The following TMEM161B variants were observed in gnomAD, a reference collection of about 807,000 sequenced individuals.
TMEM161B encodes the protein transmembrane protein 161B.
TMEM161B carries 34 observed loss-of-function variants against 61.8 expected under a neutral mutation model. The ratio of observed to expected loss-of-function variants is 0.55; its 90% CI spans 0.42 to 0.73. The LOEUF (loss-of-function observed/expected upper bound fraction) is 0.73, where lower values mean the gene tolerates loss of function less well. Among genes scored for constraint, TMEM161B ranks in the 30% least tolerant of loss-of-function variants. The pLI, the probability that TMEM161B is intolerant of heterozygous loss-of-function variation, is 0.00. For missense variants in TMEM161B, 456 were observed against 558.5 expected, an observed-to-expected ratio of 0.82 and a Z score of 1.85; for synonymous variants, 167 against 192.8, an observed-to-expected ratio of 0.87 and a Z score of 1.11.
intron 11 of TMEM161B, 109 bp from the exon 12 acceptor site, chr5:88,196,597 G>T: frequency 9.2e-7 from 1 of 1,088,188 alleles, no homozygotes; most frequent in Non-Finnish European, 1.3e-6. Flanking sequence ...TAGTGGCACA[G>T]TACATCATTT....
chr5:88,233,003 A>G (rs1237910617), intron 2 of TMEM161B, among the ~76,000 whole-genome samples: 1 of 152,190 alleles, frequency 6.6e-6, no homozygotes, highest in African/African-American at 2.4e-5. Context: ...ATTAGTGAGA[A>G]TTATTGTTCA....
chr5:88,241,005 C>T (rs570707330), intron 1 of TMEM161B, 89 bp from the exon 2 acceptor site: 2 of 865,322 alleles, frequency 2.3e-6, no homozygotes, highest in Middle Eastern at 4.7e-4. Flanking sequence ...TTGAAAATTA[C>T]ATTTTAAGAA....
intron 2 of TMEM161B, among the ~76,000 whole-genome samples, chr5:88,231,277 A>G (rs1750942189): frequency 6.6e-6 from 1 of 152,228 alleles, no homozygotes; most frequent in Non-Finnish European, 1.5e-5. Context: ...TTTGTAGCCT[A>G]TTAATAAGTG....
intron 5 of TMEM161B, among the ~76,000 whole-genome samples, chr5:88,216,253 A>C (rs1005160656): frequency 3.3e-5 from 5 of 152,204 alleles, no homozygotes; most frequent in Admixed American, 3.3e-4. Flanking sequence ...CTCTGGGGAA[A>C]AAAAAGAAAA....
intron 9 of TMEM161B, chr5:88,202,273 T>C: frequency 3.2e-6 from 1 of 307,866 alleles, no homozygotes; most frequent in Middle Eastern, 1.1e-3. Context: ...AGTCTAGTTA[T>C]TAATGCCTAT....
chr5:88,207,544 C>T (rs1474677643), intron 5 of TMEM161B, among the ~76,000 whole-genome samples: 1 of 152,128 alleles, frequency 6.6e-6, no homozygotes, highest in East Asian at 1.9e-4. Flanking sequence ...CGTAATAATT[C>T]AACAAGTTAA....
At chr5:88,221,714 T>A (rs750914526) in intron 4 of TMEM161B, 2 of 456,236 alleles carry the variant, frequency 4.4e-6, no homozygotes, top group Non-Finnish European at 8.8e-6. Context: ...GGTTTACTTC[T>A]ACCAGAGTGT....
downstream of TMEM161B, among the ~76,000 whole-genome samples, chr5:88,186,565 T>A (rs1248818817): frequency 6.6e-6 from 1 of 152,154 alleles, no homozygotes; most frequent in Non-Finnish European, 1.5e-5. Flanking sequence ...ATTTCAAGTT[T>A]TAACATGTCT....
At chr5:88,234,089 G>A (rs1340233791) in intron 2 of TMEM161B, among the ~76,000 whole-genome samples, 1 of 152,102 alleles carries the variant, frequency 6.6e-6, no homozygotes, top group Non-Finnish European at 1.5e-5. Flanking sequence ...GGGGAGAGAG[G>A]TAGGGCTGTG....
chr5:88,217,413 A>G (rs753558148), intron 5 of TMEM161B, among the ~76,000 whole-genome samples: 5 of 152,202 alleles, frequency 3.3e-5, no homozygotes, highest in Non-Finnish European at 5.9e-5. Context: ...AGCAGACTCA[A>G]CAGAATGAGG....
At chr5:88,221,564 T>G (rs1295373140) in intron 4 of TMEM161B, 4 of 374,188 alleles carry the variant, frequency 1.1e-5, no homozygotes, top group African/African-American at 2.1e-5. Flanking sequence ...AAAAAGTTTA[T>G]AAAATGTCTG....
intron 2 of TMEM161B, among the ~76,000 whole-genome samples, chr5:88,230,420 T>C (rs1750797859): frequency 6.6e-6 from 1 of 152,198 alleles, no homozygotes; most frequent in Admixed American, 6.5e-5. Flanking sequence ...CAGGAATTCA[T>C]AATTCTATCT....
chr5:88,255,556 A>G (rs945593191), intron 1 of TMEM161B, among the ~76,000 whole-genome samples: 7 of 152,248 alleles, frequency 4.6e-5, no homozygotes, highest in African/African-American at 9.6e-5. Context: ...TGGCAATTTC[A>G]TATAGTTCAT....
At chr5:88,221,763 A>G (rs753284523) in intron 4 of TMEM161B, 1 of 456,152 alleles carries the variant, frequency 2.2e-6, no homozygotes, top group South Asian at 1.5e-5. Context: ...AAGGCCTCCT[A>G]AAAATGTGGA....
chr5:88,260,511 G>T lies in TMEM161B; in HGVS notation c.3+8210C>A, dbSNP rs373118059. On this transcript the variant is annotated intron_variant, in intron 1 of 11. Transcript: ENST00000296595. ...CTGTTTCCCTGGCTGGAGCACAGCA[G>T]CCTGATGACAACTCACTGCAATCTC... 1.1e-4 allele frequency among the ~76,000 whole-genome samples: 16 copies of T among 152,288 alleles called. No homozygotes were observed. The East Asian group carries it at 3.1e-3, about 29-fold the overall frequency.
chr5:88,268,799 T>A lies in TMEM161B; in HGVS notation c.-76A>T, dbSNP rs1007954223. ...CCCAAACCTCTTACCTCCCGGTCCT[T>A]GAGCCGAGAGACTCTCAAACAGCGA... On this transcript the variant is annotated 5_prime_UTR_variant, in exon 1 of 12. Transcript: ENST00000296595. The A allele has an allele frequency of 9.9e-6, 16 of 1,609,360 alleles. No individual in the cohort carries two copies. Among genetic ancestry groups the A allele is most frequent in the Non-Finnish European group, 8.5e-7 (1 of 1,177,112 alleles).
chr5:88,191,310 TCAA>T (rs1183990315), downstream of TMEM161B, among the ~76,000 whole-genome samples: 3 of 152,190 alleles, frequency 2.0e-5, no homozygotes, highest in Admixed American at 6.5e-5. Flanking sequence ...GGACACCAGC[TCAA>T]CAACAATACA....
downstream of TMEM161B, among the ~76,000 whole-genome samples, chr5:88,189,005 G>A (rs540565859): frequency 5.3e-5 from 8 of 151,170 alleles, no homozygotes; most frequent in South Asian, 4.2e-4. Context: ...ACTCACTAGC[G>A]GGAGTTCTCA....
At chr5:88,220,047 G>A (rs1348251098) in intron 5 of TMEM161B, among the ~76,000 whole-genome samples, 1 of 151,878 alleles carries the variant, frequency 6.6e-6, no homozygotes, top group Non-Finnish European at 1.5e-5. Context: ...CAATTCTGTG[G>A]AAGTTTACAG....
Sources: allele counts gnomAD v4.1 joint callset (sites outside exome capture counted in the v4.1 genomes callset), GRCh38; gene constraint gnomAD v4.1.1; transcripts MANE v1.5; gene names NCBI Gene and HGNC (gene_info 2026-07-23, HGNC 2026-07-21).